The following CYP4F3 variants were observed in gnomAD, a reference collection of about 807,000 sequenced individuals.
CYP4F3 encodes the protein cytochrome P450 family 4 subfamily F member 3, also known as cytochrome P450 4F3.
CYP4F3 carries 50 observed loss-of-function variants against 54.8 expected under a neutral mutation model. That is an observed-to-expected ratio of 0.91 (90% CI 0.73 to 1.16). The LOEUF (loss-of-function observed/expected upper bound fraction) is 1.16. Ranked by LOEUF, CYP4F3 falls within the 50% of genes most tolerant of loss-of-function variation. The probability of loss-of-function intolerance (pLI) is 0.00; values close to 1 mark genes in which losing one functional copy is unlikely to be tolerated. For synonymous variants in CYP4F3, 244 were observed against 262.6 expected (o/e 0.93, Z 0.69); for missense variants, 715 against 676.2 (o/e 1.06, Z -0.64).
At position 15,649,188 on chromosome 19, in the gene CYP4F3, GT is replaced by G; in HGVS notation, c.555del (p.Ser186ValfsTer13). On this transcript the variant is annotated frameshift_variant, in exon 6 of 13. Transcript: ENST00000221307. LOFTEE classifies it high-confidence loss of function. ...HAKWQLLASE[G>X]SARLDMFEHI... ...AAGTGGCAGCTCCTGGCCTCAGAGG[GT>G]AGTGCCCGTCTGGACATGTTTGAGC... The G allele has an allele frequency of 6.2e-7, 1 of 1,613,466 alleles. No homozygotes were observed. Among genetic ancestry groups the G allele is most frequent in the Non-Finnish European group, 8.5e-7 (1 of 1,179,558 alleles).
At chr19:15,644,102 C>A in intron 2 of CYP4F3, 2 of 1,474,402 alleles carry the variant, frequency 1.4e-6, no homozygotes, top group South Asian at 1.4e-5. Flanking sequence ...TTGAGGCCTG[C>A]AAGTCCCTCT....
intron 2 of CYP4F3, 119 bp from the exon 3 acceptor site, chr19:15,645,600 A>C: frequency 1.5e-6 from 2 of 1,352,668 alleles, no homozygotes; most frequent in South Asian, 2.8e-5. Context: ...CTCAGCACTG[A>C]GAGGGAGATG....
chr19:15,656,825 T>C (rs1346383761), intron 9 of CYP4F3, among the ~76,000 whole-genome samples: 1 of 152,154 alleles, frequency 6.6e-6, no homozygotes, highest in Non-Finnish European at 1.5e-5. Flanking sequence ...TTTTTATAAA[T>C]ATATATCCAT....
rs866484462 is a variant in CYP4F3 at position 15,653,759 on chromosome 19, A to T, written c.1115+807A>T. Among the ~76,000 whole-genome samples, 42 of 124,686 alleles carry T rather than the reference A, an allele frequency of 3.4e-4. 2 individuals are homozygous for T. The highest frequency in any genetic ancestry group is 4.4e-4 in the Non-Finnish European group (24 of 54,438). The allele number at this position is 124,686 out of a possible 152,430, so 81.8% of individuals were successfully genotyped here. On this transcript the variant is annotated intron_variant, in intron 9 of 12. Coordinates refer to ENST00000221307, the MANE Select transcript of CYP4F3 (RefSeq NM_000896.3). Reference sequence around the variant, plus strand: ...AGGAGAGAGAGAGAGAGAGAGAGAGAGAGAGAGAGAGAGAGAGAGAGAGAG... The same window carrying T: ...AGGAGAGAGAGAGAGAGAGAGAGAGTGAGAGAGAGAGAGAGAGAGAGAGAG...
At position 15,659,344 on chromosome 19, in the gene CYP4F3, G is replaced by A. The variant is rs769603208; in HGVS notation, c.1522G>A (p.Ala508Thr). The change falls in exon 13 of 13, where the codon GCA becomes ACA. Residue 508 changes from alanine (A) to threonine (T), a missense_variant. Transcript: ENST00000221307. The part of the protein sequence containing the change: ...PRRKPELVLR[A>T]EGGLWLRVEP... ...CAGGAAGCCGGAGCTGGTCCTGCGC[G>A]CAGAGGGCGGACTTTGGCTGCGGGT... The A allele has an allele frequency of 6.2e-7, 1 of 1,613,302 alleles. No individual in the cohort carries two copies. Among genetic ancestry groups the A allele is most frequent in the Admixed American group, 1.7e-5 (1 of 59,940 alleles).
chr19:15,656,535 T>C (rs1277249861), intron 9 of CYP4F3, among the ~76,000 whole-genome samples: 1 of 119,846 alleles, frequency 8.3e-6, no homozygotes, highest in Non-Finnish European at 1.9e-5. Flanking sequence ...TTCTATCATC[T>C]ATCAATGTAT....
chr19:15,660,562 G>A lies in CYP4F3; in HGVS notation c.*1177G>A, dbSNP rs1973159977. 1 of 152,162 alleles carries A rather than the reference G, an allele frequency of 6.6e-6. No individual in the cohort carries two copies. Among genetic ancestry groups the A allele is most frequent in the South Asian group, 2.1e-4 (1 of 4,830 alleles). 9.4% of individuals were successfully genotyped at this position (152,162 alleles called of 1,614,324 possible). The stretch of plus-strand genomic sequence containing the variant: ...ACTCTCTTGCTCAAGGTCACTCTGA[G>A]TGGAAGAGTGGGGATAAATCTGGTT... On this transcript the variant is annotated 3_prime_UTR_variant, in exon 13 of 13. Coordinates refer to ENST00000221307, the MANE Select transcript of CYP4F3 (RefSeq NM_000896.3).
intron 9 of CYP4F3, among the ~76,000 whole-genome samples, chr19:15,655,514 CTT>C (rs1364654034): frequency 6.6e-6 from 1 of 152,174 alleles, no homozygotes; most frequent in Non-Finnish European, 1.5e-5. Context: ...GGTCGAAAGA[CTT>C]TATGACAAAA....
chr19:15,649,388 G>T, intron 6 of CYP4F3, 107 bp downstream of exon 6: 1 of 1,565,022 alleles, frequency 6.4e-7, no homozygotes, highest in South Asian at 1.1e-5. Context: ...TCTTGGAGGA[G>T]TTGTTATACC....
In CYP4F3 at chr19:15,652,867, C is replaced by T; in HGVS notation, c.1030C>T (p.Leu344Phe). ...TGGTCTCTCCTGGGTCCTGTACCAC[C>T]TTGCAAAGCACCCGGAATACCAGGA... ...ASGLSWVLYHLAKHPEYQERC... is the reference protein window; with the variant it reads ...ASGLSWVLYHFAKHPEYQERC... The change falls in exon 9 of 13, where the codon CTT (leucine) becomes TTT (phenylalanine). Residue 344 changes from leucine (L) to phenylalanine (F), a missense_variant. Coordinates refer to ENST00000221307, the MANE Select transcript of CYP4F3 (RefSeq NM_000896.3). 2 of 1,613,898 alleles carry T rather than the reference C, an allele frequency of 1.2e-6. No individual in the cohort carries two copies. Among genetic ancestry groups the T allele is most frequent in the Non-Finnish European group, 1.7e-6 (2 of 1,179,874 alleles).
chr19:15,645,602 A>C (rs1675775409), intron 2 of CYP4F3, 117 bp from the exon 3 acceptor site: 2 of 1,367,400 alleles, frequency 1.5e-6, no homozygotes, highest in Non-Finnish European at 9.9e-7. Flanking sequence ...CAGCACTGAG[A>C]GGGAGATGAG....
At chr19:15,646,138 C>T (rs1972618784) in intron 3 of CYP4F3, among the ~76,000 whole-genome samples, 1 of 152,184 alleles carries the variant, frequency 6.6e-6, no homozygotes, top group African/African-American at 2.4e-5. Context: ...CACCTGGGTC[C>T]TGGTTACACC....
At chr19:15,652,755 C>T in intron 8 of CYP4F3, 68 bp from the exon 9 acceptor site, 1 of 1,601,678 alleles carries the variant, frequency 6.2e-7, no homozygotes, top group Non-Finnish European at 8.5e-7. Flanking sequence ...GTCCTCAATG[C>T]AAGGTTGCTG....
At chr19:15,651,700 T>C (rs369860105) in intron 7 of CYP4F3, among the ~76,000 whole-genome samples, 182 of 152,176 alleles carry the variant, frequency 1.2e-3, no homozygotes, top group African/African-American at 4.1e-3. Flanking sequence ...TCTGTCCATG[T>C]TTATGTCTAT....
chr19:15,651,443 C>T (rs1426694242), intron 7 of CYP4F3, among the ~76,000 whole-genome samples: 2 of 137,146 alleles, frequency 1.5e-5, no homozygotes, highest in Non-Finnish European at 3.3e-5. Flanking sequence ...TCTCGGCTTA[C>T]TGCAACCTCC....
chr19:15,644,181 T>C, intron 2 of CYP4F3: 1 of 1,186,346 alleles, frequency 8.4e-7, no homozygotes, highest in Non-Finnish European at 1.1e-6. Flanking sequence ...GCCATCTTCA[T>C]CTTTCTTTCA....
rs1973174594 is a variant in CYP4F3, at chr19:15,661,191, G to A, written c.*1806G>A. The A allele has an allele frequency of 6.6e-6, 1 of 152,032 alleles. No homozygotes were observed. Among genetic ancestry groups the A allele is most frequent in the South Asian group, 2.1e-4 (1 of 4,810 alleles). 9.4% of individuals were successfully genotyped at this position (152,032 alleles called of 1,614,324 possible). Reference sequence around the variant, plus strand: ...GCGGGAGAATCACTTGAAACCCACAGGCGGAGGTTGCAGTGAGCTGAGGTG... The same window carrying A: ...GCGGGAGAATCACTTGAAACCCACAAGCGGAGGTTGCAGTGAGCTGAGGTG... On this transcript the variant is annotated 3_prime_UTR_variant, in exon 13 of 13. Transcript: ENST00000221307.
In CYP4F3 at chr19:15,662,798, A is replaced by G. The variant is rs1973209265; in HGVS notation, c.*3413A>G. 6.6e-6 allele frequency: 1 copy of G among 152,198 alleles called. No individual in the cohort carries two copies. The highest frequency in any genetic ancestry group is 6.5e-5 in the Admixed American group (1 of 15,272). The allele number at this position is 152,198 out of a possible 1,614,324, so 9.4% of individuals were successfully genotyped here. A position where few individuals can be genotyped will look rare whatever the true frequency, so the allele number is the denominator to read the frequency against. On this transcript the variant is annotated 3_prime_UTR_variant, in exon 13 of 13. Coordinates refer to ENST00000221307, the MANE Select transcript of CYP4F3 (RefSeq NM_000896.3). ...GAGAATTTAATTTTTTCTGGTGTAC[A>G]ATGCTAATAAAATGGTGCTTTAAAA...
At position 15,658,348 on chromosome 19, in the gene CYP4F3, C is replaced by T. The variant is rs1973084659; in HGVS notation, c.1200C>T (p.Arg400=). 2.5e-6 allele frequency: 4 copies of T among 1,614,186 alleles called. No individual in the cohort carries two copies. The highest frequency in any genetic ancestry group is 3.4e-6 in the Non-Finnish European group (4 of 1,180,040). ...RLHPPVPAVS[R]CCTQDIVLPD... is the part of the protein sequence containing the mutation. ...ATCCCCCAGTCCCTGCCGTCTCTCGCTGCTGCACCCAAGACATTGTGCTCC... is the reference window on the plus strand; with the variant it reads ...ATCCCCCAGTCCCTGCCGTCTCTCGTTGCTGCACCCAAGACATTGTGCTCC... Residue 400 remains arginine, a synonymous_variant, in exon 10 of 13, where the codon CGC becomes CGT. Transcript: ENST00000221307.
Sources: allele counts gnomAD v4.1 joint callset (sites outside exome capture counted in the v4.1 genomes callset), GRCh38; gene constraint gnomAD v4.1.1; transcripts MANE v1.5; gene names NCBI Gene and HGNC (gene_info 2026-07-23, HGNC 2026-07-21).